The following ATP6V0A2 variants were observed in gnomAD, a reference collection of about 807,000 sequenced individuals.
The protein encoded by ATP6V0A2 is V-type proton ATPase 116 kDa subunit a 2.
In ATP6V0A2, 58 loss-of-function variants were observed where a neutral mutation model predicts 104.4. The observed-to-expected ratio is 0.56, with a 90% confidence interval of 0.45 to 0.69. The LOEUF is 0.69. Among genes scored for constraint, ATP6V0A2 ranks in the 30% least tolerant of loss-of-function variants. ATP6V0A2 has a pLI of 0.00. For missense variants in ATP6V0A2, 938 were observed against 1,062.9 expected (o/e 0.88, Z 1.63); for synonymous variants, 376 against 397.9 (o/e 0.95, Z 0.65).
intron 1 of ATP6V0A2, among the ~76,000 whole-genome samples, chr12:123,713,304 G>T (rs1956309866): frequency 6.6e-6 from 1 of 151,934 alleles, no homozygotes; most frequent in Non-Finnish European, 1.5e-5. Flanking sequence ...TTGTGTTTTG[G>T]TCACTGATGC....
chr12:123,726,175 G>A (rs967464168), intron 4 of ATP6V0A2, 22 bp from the exon 5 acceptor site: 25 of 1,542,850 alleles, frequency 1.6e-5, no homozygotes, highest in Non-Finnish European at 2.2e-5. Context: ...AGACACACTT[G>A]GTTTCATATG....
At chr12:123,724,597 T>G in intron 3 of ATP6V0A2, 57 bp from the exon 4 acceptor site, 1 of 1,586,000 alleles carries the variant, frequency 6.3e-7, no homozygotes. Flanking sequence ...TGAAGATTAT[T>G]GGAATTACAC....
intron 4 of ATP6V0A2, among the ~76,000 whole-genome samples, chr12:123,725,185 C>T (rs890180489): frequency 5.3e-5 from 8 of 152,138 alleles, no homozygotes; most frequent in Non-Finnish European, 1.2e-4. Flanking sequence ...CCACCTTCCT[C>T]GGCCTTCCAA....
Position 123,757,961 on chromosome 12 carries a change from G to T in ATP6V0A2, c.2500G>T (p.Gly834Cys). The T allele has an allele frequency of 6.2e-7, 1 of 1,609,576 alleles. No homozygotes were observed. Residue 834 changes from glycine (G) to cysteine (C), a missense_variant, in exon 20 of 20, where the codon GGC (glycine) becomes TGC (cysteine). By Grantham distance (159) the Gly-to-Cys change is radical (BLOSUM62 -3). Transcript: ENST00000330342. Reference protein sequence around the residue: ...EFQNKFYVGAGTKFVPFSFSL... With the variant: ...EFQNKFYVGACTKFVPFSFSL... The stretch of plus-strand genomic sequence containing the variant: ...TCAGAACAAATTCTACGTTGGTGCA[G>T]GCACCAAATTTGTTCCTTTCTCATT...
intron 16 of ATP6V0A2, among the ~76,000 whole-genome samples, chr12:123,751,862 C>CTTTCT (rs1555299348): frequency 4.1e-5 from 5 of 123,456 alleles, no homozygotes; most frequent in Admixed American, 1.9e-4. Flanking sequence ...TTCTTTCTTT[C>CTTTCT]TTTTTTTTTT....
intron 15 of ATP6V0A2, chr12:123,750,357 C>G (rs938103378): frequency 6.5e-6 from 1 of 152,802 alleles, no homozygotes; most frequent in East Asian, 1.9e-4. Flanking sequence ...CCCAGGACTT[C>G]TGATGTGGCT....
At chr12:123,754,284 T>C in intron 17 of ATP6V0A2, 136 bp from the exon 18 acceptor site, 1 of 730,616 alleles carries the variant, frequency 1.4e-6, no homozygotes, top group Non-Finnish European at 2.5e-6. Flanking sequence ...TTTCTGTTCC[T>C]CACACTCTAG....
chr12:123,758,599 C>T lies in ATP6V0A2; in HGVS notation c.*567C>T, dbSNP rs1421992862. The T allele has an allele frequency of 2.0e-5, 3 of 151,464 alleles. No homozygotes were observed. The highest frequency in any genetic ancestry group is 4.4e-5 in the Non-Finnish European group (3 of 68,072). 9.4% of individuals were successfully genotyped at this position (151,464 alleles called of 1,614,324 possible). A position where few individuals can be genotyped will look rare whatever the true frequency, so the allele number is the denominator to read the frequency against. ...GCAATGGCACGATCGTGTCTCATTG[C>T]AACTTCCGCCTCCTGGATTCAGGTG... is the stretch of plus-strand genomic sequence containing the variant. On this transcript the variant is annotated 3_prime_UTR_variant, in exon 20 of 20. Coordinates refer to ENST00000330342, the MANE Select transcript of ATP6V0A2 (RefSeq NM_012463.4).
intron 14 of ATP6V0A2, 37 bp downstream of exon 14, chr12:123,747,762 C>G: frequency 7.3e-7 from 1 of 1,379,076 alleles, no homozygotes; most frequent in Non-Finnish European, 1.0e-6. Context: ...TATTTATAAA[C>G]CAAACTTGGC....
intron 15 of ATP6V0A2, 64 bp downstream of exon 15, chr12:123,748,849 C>G: frequency 6.8e-7 from 1 of 1,477,350 alleles, no homozygotes; most frequent in Non-Finnish European, 9.4e-7. Context: ...TTATTCTGAG[C>G]AGTAGAAGTG....
chr12:123,719,285 G>A (rs6488898), intron 2 of ATP6V0A2, among the ~76,000 whole-genome samples: 144,626 of 152,236 alleles, frequency 0.95, 68,834 homozygotes, highest in East Asian at 1. Context: ...TATCTCTAAA[G>A]TCTTTACCAT....
At chr12:123,735,955 C>T (rs1195424344) in intron 8 of ATP6V0A2, among the ~76,000 whole-genome samples, 1 of 152,130 alleles carries the variant, frequency 6.6e-6, no homozygotes, top group Non-Finnish European at 1.5e-5. Context: ...TCACTGCAAC[C>T]TCTGCCTCCT....
At chr12:123,755,685 T>C (rs1187947347) in intron 18 of ATP6V0A2, among the ~76,000 whole-genome samples, 1 of 152,112 alleles carries the variant, frequency 6.6e-6, no homozygotes, top group Non-Finnish European at 1.5e-5. Context: ...CTTTTTTTTT[T>C]TTTTAAATAA....
chr12:123,734,546 G>C (rs1956532755), intron 7 of ATP6V0A2, among the ~76,000 whole-genome samples: 1 of 152,186 alleles, frequency 6.6e-6, no homozygotes, highest in Non-Finnish European at 1.5e-5. Flanking sequence ...GGTCTTTTAG[G>C]ACTAAATGAA....
Position 123,735,570 on chromosome 12 carries a change from G to T in ATP6V0A2, c.771G>T (p.Glu257Asp), listed in dbSNP as rs1254380887. ...CHVYPYPNTA[E>D]ERREIQEGLN... Reference sequence around the variant, plus strand: ...TGTACCCCTATCCAAACACAGCCGAGGAGCGGAGGGAGATCCAGGAGGGGC... The same window carrying T: ...TGTACCCCTATCCAAACACAGCCGATGAGCGGAGGGAGATCCAGGAGGGGC... The change falls in exon 8 of 20, where the codon GAG (glutamate) becomes GAT (aspartate). Residue 257 changes from glutamate to aspartate, a missense_variant. Physicochemically the swap from Glu to Asp is conservative, Grantham distance 45. Coordinates refer to ENST00000330342, the MANE Select transcript of ATP6V0A2 (RefSeq NM_012463.4). 6.2e-7 allele frequency: 1 copy of T among 1,614,112 alleles called. No individual in the cohort carries two copies.
chr12:123,745,723 A>T (rs1202399483), intron 13 of ATP6V0A2, among the ~76,000 whole-genome samples: 1 of 139,236 alleles, frequency 7.2e-6, no homozygotes, highest in Non-Finnish European at 1.6e-5. Context: ...AAAAAAAAAA[A>T]GAAAATGGAG....
At position 123,748,687 on chromosome 12, in the gene ATP6V0A2, T is replaced by C. The variant is rs1319152311; in HGVS notation, c.1837T>C (p.Ser613Pro). 14 of 1,614,230 alleles carry C rather than the reference T, an allele frequency of 8.7e-6. No homozygotes were observed. Among genetic ancestry groups the C allele is most frequent in the Non-Finnish European group, 1.2e-5 (14 of 1,180,022 alleles). The change falls in exon 15 of 20, where the codon TCA becomes CCA. Residue 613 changes from serine (S) to proline (P), a missense_variant. Physicochemically the swap from Ser to Pro is moderately conservative, Grantham distance 74. Coordinates refer to ENST00000330342, the MANE Select transcript of ATP6V0A2 (RefSeq NM_012463.4). ...FMIFYKWLVF[S>P]AETSRVAPSI... ...GATTTTCTACAAGTGGCTGGTTTTT[T>C]CAGCAGAAACCTCCAGAGTTGCTCC...
intron 6 of ATP6V0A2, among the ~76,000 whole-genome samples, chr12:123,728,691 C>T (rs759145507): frequency 6.6e-6 from 1 of 152,240 alleles, no homozygotes; most frequent in Non-Finnish European, 1.5e-5. Context: ...ACTCAGGTCA[C>T]GTGTCTCTGG....
chr12:123,721,860 G>C (rs902138124), intron 2 of ATP6V0A2, among the ~76,000 whole-genome samples: 1 of 152,190 alleles, frequency 6.6e-6, no homozygotes, highest in Non-Finnish European at 1.5e-5. Context: ...ACTGATGGAT[G>C]CCCTTTTCTT....
Sources: gnomAD v4.1 joint callset for allele counts (sites outside exome capture counted in the v4.1 genomes callset) on GRCh38, gnomAD v4.1.1 for gene constraint, MANE v1.5 for transcripts, NCBI Gene and HGNC (gene_info 2026-07-23, HGNC 2026-07-21) for gene names.